The following C10orf90 variants were observed in gnomAD, a reference collection of about 807,000 sequenced individuals.
C10orf90 encodes chromosome 10 open reading frame 90.
Under a neutral mutation model 62.5 loss-of-function variants are expected in C10orf90, and 56 were observed. The ratio of observed to expected loss-of-function variants is 0.90; its 90% confidence interval spans 0.72 to 1.12. The LOEUF (loss-of-function observed/expected upper bound fraction) is 1.12, where lower values mean the gene tolerates loss of function less well. C10orf90 is among the 50% of genes most tolerant of loss of function. The pLI is 0.00. For missense variants in C10orf90, 970 were observed against 880.4 expected (o/e 1.10, Z -1.29); for synonymous variants, 386 against 340.4 (o/e 1.13, Z -1.47).
chr10:126,571,559 TCAC>T (rs1214219920), intron 2 of C10orf90, among the ~76,000 whole-genome samples: 4 of 152,172 alleles, frequency 2.6e-5, no homozygotes, highest in Admixed American at 6.5e-5. Flanking sequence ...GAATATACTC[TCAC>T]CTTCCATCAT....
chr10:126,573,300 A>G (rs540035684), intron 2 of C10orf90, among the ~76,000 whole-genome samples: 1 of 152,282 alleles, frequency 6.6e-6, no homozygotes, highest in Non-Finnish European at 1.5e-5. Context: ...TTTCCATACA[A>G]TGTCCGTAAT....
At chr10:126,520,416 G>T (rs1395238728) in intron 2 of C10orf90, 1 of 152,222 alleles carries the variant, frequency 6.6e-6, no homozygotes, top group Non-Finnish European at 1.5e-5. Context: ...AGTTCAAGGA[G>T]CCCAGGTTAG....
At chr10:126,445,708 T>C (rs1345635990) in intron 7 of C10orf90, among the ~76,000 whole-genome samples, 1 of 151,842 alleles carries the variant, frequency 6.6e-6, no homozygotes, top group African/African-American at 2.4e-5. Context: ...AAAAGATACT[T>C]GCACATGCAT....
At chr10:126,601,700 A>T (rs550571994) in intron 2 of C10orf90, among the ~76,000 whole-genome samples, 46 of 152,234 alleles carry the variant, frequency 3.0e-4, no homozygotes, top group Non-Finnish European at 5.4e-4. Flanking sequence ...TTCATGCTCC[A>T]AGGTTCCTAC....
intron 1 of C10orf90, among the ~76,000 whole-genome samples, chr10:126,657,882 C>T (rs1242090455): frequency 6.6e-6 from 1 of 152,118 alleles, no homozygotes; most frequent in Non-Finnish European, 1.5e-5. Flanking sequence ...TCCCAATGTG[C>T]TAGGATTACA....
In C10orf90 at chr10:126,456,092, C is replaced by T. The variant is rs960776265; in HGVS notation, c.2188+2948G>A. Reference sequence around the variant, plus strand: ...TGACACTGTAGCCAAAGCTCGTTCACGCATATGATTTATGAACTAATTTAG... The same window carrying T: ...TGACACTGTAGCCAAAGCTCGTTCATGCATATGATTTATGAACTAATTTAG... On this transcript the variant is annotated intron_variant, in intron 7 of 9. Coordinates refer to ENST00000488181, the MANE Select transcript of C10orf90 (RefSeq NM_001350921.2). The surrounding 1 kb of genome is among the most constrained non-coding windows in gnomAD (Gnocchi z 4.9). 6.6e-5 allele frequency among the ~76,000 whole-genome samples: 10 copies of T among 152,228 alleles called. No individual in the cohort carries two copies. Among genetic ancestry groups the T allele is most frequent in the South Asian group, 2.1e-4 (1 of 4,834 alleles).
chr10:126,473,365 C>T (rs943474228), intron 4 of C10orf90, among the ~76,000 whole-genome samples: 4 of 152,152 alleles, frequency 2.6e-5, no homozygotes, highest in Non-Finnish European at 5.9e-5. Flanking sequence ...AGAAAACCCC[C>T]ATTTTGTTCA....
At chr10:126,505,313 T>C (rs950965083) in intron 3 of C10orf90, among the ~76,000 whole-genome samples, 6 of 152,176 alleles carry the variant, frequency 3.9e-5, no homozygotes, top group South Asian at 4.1e-4. Flanking sequence ...GAGTCATGAA[T>C]TGGTTTTCTC....
intron 2 of C10orf90, among the ~76,000 whole-genome samples, chr10:126,546,437 T>A (rs895389975): frequency 1.3e-5 from 2 of 152,146 alleles, no homozygotes; most frequent in African/African-American, 4.8e-5. Context: ...AGGAGGTATC[T>A]CTTCCCCTCC....
intron 2 of C10orf90, among the ~76,000 whole-genome samples, chr10:126,623,539 A>G (rs1274210348): frequency 2.6e-5 from 4 of 152,096 alleles, no homozygotes; most frequent in East Asian, 1.9e-4. Context: ...TCTTTCCCCA[A>G]GTAGAATGAG....
chr10:126,552,972 A>C (rs1028100817), intron 2 of C10orf90, among the ~76,000 whole-genome samples: 8 of 152,208 alleles, frequency 5.3e-5, no homozygotes, highest in Admixed American at 5.2e-4. Flanking sequence ...TTGGGGGAAA[A>C]AAATGAACCT....
In C10orf90 at chr10:126,504,735, C is replaced by A; in HGVS notation, c.756G>T (p.Val252=). The change falls in exon 4 of 10, where the codon GTG becomes GTT. Residue 252 remains valine (V), a synonymous_variant. Transcript: ENST00000488181. The surrounding 1 kb of genome is among the most constrained non-coding windows in gnomAD (Gnocchi z 4.1). ...ACAGAGAGTCCCCAGCAGTCCCCCA[C>A]ACCAGGGCGCGGGCTGGGGGGCCCA... ...RRVGPPARAL[V]WGTAGDSLCP... is the part of the protein sequence containing the mutation. 1 of 1,599,798 alleles carries A rather than the reference C, an allele frequency of 6.3e-7. No homozygotes were observed. The highest frequency in any genetic ancestry group is 8.5e-7 in the Non-Finnish European group (1 of 1,172,038).
intron 4 of C10orf90, among the ~76,000 whole-genome samples, chr10:126,494,637 G>A (rs1042059458): frequency 2.0e-5 from 3 of 152,196 alleles, no homozygotes; most frequent in African/African-American, 7.2e-5. Flanking sequence ...GCAAGAGACC[G>A]CCATGATGCG....
chr10:126,628,597 G>A (rs1243730831), intron 2 of C10orf90, among the ~76,000 whole-genome samples: 1 of 152,152 alleles, frequency 6.6e-6, no homozygotes, highest in African/African-American at 2.4e-5. Context: ...TAGAGGTCAG[G>A]CTCCCCAATG....
rs768714628 is a variant in C10orf90 at position 126,646,550 on chromosome 10, G to T, written c.313+15C>A. On this transcript the variant is annotated intron_variant, in intron 2 of 9. Coordinates refer to ENST00000488181, the MANE Select transcript of C10orf90 (RefSeq NM_001350921.2). ...TTGAAAGGGAACCCTGCCTGGGCAG[G>T]CCCCAGTCCTTTACCTGCATTGGAA... 2.4e-6 allele frequency: 1 copy of T among 419,938 alleles called. No homozygotes were observed. Among genetic ancestry groups the T allele is most frequent in the South Asian group, 1.8e-5 (1 of 56,882 alleles). 26.0% of individuals were successfully genotyped at this position (419,938 alleles called of 1,614,324 possible).
chr10:126,450,329 A>C (rs575144191), intron 7 of C10orf90, among the ~76,000 whole-genome samples: 1 of 152,358 alleles, frequency 6.6e-6, no homozygotes, highest in South Asian at 2.1e-4. Context: ...CATTTTTCAC[A>C]GAAATAGAAA....
At chr10:126,429,893 TC>T in intron 7 of C10orf90, 43 bp from the exon 8 acceptor site, 1 of 1,488,392 alleles carries the variant, frequency 6.7e-7, no homozygotes, top group Non-Finnish European at 9.4e-7. Flanking sequence ...AGGCATAGAA[TC>T]TCACACATTT....
intron 2 of C10orf90, among the ~76,000 whole-genome samples, chr10:126,621,617 TA>T (rs1845645331): frequency 6.6e-6 from 1 of 152,234 alleles, no homozygotes; most frequent in Non-Finnish European, 1.5e-5. Context: ...GATTGTTTAT[TA>T]TGATAATGAT....
chr10:126,667,252 G>T (rs1435544233), intron 1 of C10orf90, among the ~76,000 whole-genome samples: 1 of 151,660 alleles, frequency 6.6e-6, no homozygotes, highest in Non-Finnish European at 1.5e-5. Flanking sequence ...TAGACACAGG[G>T]TTTCACTGTG....
Sources: gnomAD v4.1 joint callset for allele counts (sites outside exome capture counted in the v4.1 genomes callset) on GRCh38, gnomAD v4.1.1 for gene constraint, Gnocchi (gnomAD v3.1) non-coding constraint, MANE v1.5 for transcripts, NCBI Gene and HGNC (gene_info 2026-07-23, HGNC 2026-07-21) for gene names.